The following POLR1A variants were observed in gnomAD, a reference collection of about 807,000 sequenced individuals.
The protein encoded by POLR1A is RNA polymerase I subunit A.
POLR1A carries 84 observed loss-of-function variants against 205.3 expected under a neutral mutation model. That is an observed-to-expected ratio of 0.41 (90% CI 0.34 to 0.49). The LOEUF is 0.49. Ranked by LOEUF, POLR1A falls within the 20% of genes least tolerant of loss-of-function variation. POLR1A has a pLI of 0.22. For missense variants in POLR1A, 1,645 were observed against 2,204.5 expected (o/e 0.75, Z 5.08); for synonymous variants, 799 against 863.7 (o/e 0.93, Z 1.31).
At chr2:86,060,610 T>C (rs1252327997) in intron 14 of POLR1A, among the ~76,000 whole-genome samples, 2 of 152,216 alleles carry the variant, frequency 1.3e-5, no homozygotes, top group Non-Finnish European at 2.9e-5. Flanking sequence ...TGATGTTGCA[T>C]TCACTGGCTA....
At chr2:86,064,611 G>C (rs1673054635) in intron 14 of POLR1A, among the ~76,000 whole-genome samples, 1 of 152,072 alleles carries the variant, frequency 6.6e-6, no homozygotes. Flanking sequence ...ATCAGATAAT[G>C]TGTCTAAAGC....
Position 86,105,674 on chromosome 2 carries a change from G to C in POLR1A, c.77+26C>G, listed in dbSNP as rs1673913818. The C allele has an allele frequency of 1.9e-6, 3 of 1,546,402 alleles. No homozygotes were observed. The African/African-American group carries it at 4.1e-5, about 21-fold the overall frequency. On this transcript the variant is annotated intron_variant, in intron 1 of 33. Transcript: ENST00000263857. Reference sequence around the variant, plus strand: ...GGCGCCGACCTCAAGATCCAGGCTGGGCACGCTACCCGACCAACTCCTTAC... The same window carrying C: ...GGCGCCGACCTCAAGATCCAGGCTGCGCACGCTACCCGACCAACTCCTTAC...
At chr2:86,044,598 A>G (rs977511413) in intron 21 of POLR1A, among the ~76,000 whole-genome samples, 1 of 152,080 alleles carries the variant, frequency 6.6e-6, no homozygotes, top group East Asian at 1.9e-4. Flanking sequence ...AGCTGCTGAG[A>G]TGACTGTCTG....
chr2:86,084,158 C>T (rs1005353073), intron 6 of POLR1A, among the ~76,000 whole-genome samples: 8 of 152,096 alleles, frequency 5.3e-5, no homozygotes, highest in African/African-American at 1.7e-4. Flanking sequence ...CCCACCTACT[C>T]GGGAGGCTGA....
chr2:86,028,564 C>A lies in POLR1A; in HGVS notation c.4897+30G>T. The A allele has an allele frequency of 2.0e-6, 3 of 1,534,566 alleles. No individual in the cohort carries two copies. The East Asian group carries it at 6.8e-5, about 35-fold the overall frequency. On this transcript the variant is annotated intron_variant, in intron 32 of 33. Transcript: ENST00000263857. The surrounding 1 kb of genome is among the most constrained non-coding windows in gnomAD (Gnocchi z 4.5). ...CTGGTGTCCTGGCTGGTGCCCAGAC[C>A]TCGGGGTGTTATCTGCAAGCTCCCC... is the stretch of plus-strand genomic sequence containing the variant.
rs1437606603 is a variant in POLR1A at position 86,039,332 on chromosome 2, C to T, written c.3871G>A (p.Gly1291Arg). The T allele has an allele frequency of 6.2e-7, 1 of 1,613,934 alleles. No homozygotes were observed. Among genetic ancestry groups the T allele is most frequent in the Admixed American group, 1.7e-5 (1 of 60,002 alleles). ...LKKQLTRVCL[G>R]EVLQKIDVQE... ...CTGGGAAGGAGAGACGTTACCTCCC[C>T]CAAGCACACCCTGGTGAGTTGCTTC... is the stretch of plus-strand genomic sequence containing the variant. Residue 1291 changes from glycine to arginine, a missense_variant, in exon 26 of 34, where the codon GGG becomes AGG. Transcript: ENST00000263857.
At position 86,023,146 on chromosome 2, in the gene POLR1A, G is replaced by A. The variant is rs1441270346; in HGVS notation, c.*4277C>T. ...AGTGGGGTGGAGGTTGATGGTGTAG[G>A]AACTTTGGAATTTTTGACTGTAGCT... On this transcript the variant is annotated 3_prime_UTR_variant, in exon 34 of 34. Coordinates refer to ENST00000263857, the MANE Select transcript of POLR1A (RefSeq NM_015425.6). 1.3e-5 allele frequency: 2 copies of A among 152,232 alleles called. No homozygotes were observed. The highest frequency in any genetic ancestry group is 2.9e-5 in the Non-Finnish European group (2 of 68,058). 9.4% of individuals were successfully genotyped at this position (152,232 alleles called of 1,614,324 possible). A position where few individuals can be genotyped will look rare whatever the true frequency, so the allele number is the denominator to read the frequency against.
rs941123818 is a variant in POLR1A, at chr2:86,072,961, C to T, written c.1611+2069G>A. ...GGAGCAGTGGCTCATGCCTGTAATC[C>T]CAGAACTTCGGGAGGCTGAGGAGGG... is the stretch of plus-strand genomic sequence containing the variant. On this transcript the variant is annotated intron_variant, in intron 12 of 33. Transcript: ENST00000263857. 2.6e-5 allele frequency among the ~76,000 whole-genome samples: 4 copies of T among 152,202 alleles called. No homozygotes were observed. In the South Asian group the frequency reaches 8.3e-4, roughly 32 times the overall value.
intron 27 of POLR1A, among the ~76,000 whole-genome samples, chr2:86,037,907 G>C (rs147719161): frequency 5.0e-4 from 76 of 152,350 alleles, no homozygotes; most frequent in Admixed American, 1.2e-3. Context: ...CCTTGAGACA[G>C]GTTCCACACT....
At position 86,070,700 on chromosome 2, in the gene POLR1A, C is replaced by T. The variant is rs901961733; in HGVS notation, c.1612-428G>A. On this transcript the variant is annotated intron_variant, in intron 12 of 33. Transcript: ENST00000263857. The surrounding 1 kb of genome is among the most constrained non-coding windows in gnomAD (Gnocchi z 4.4). ...GGCATTGGCAGACTTTCGAATCCCC[C>T]CCCCGCCGTGATCACATGTGAGTAC... Among the ~76,000 whole-genome samples, 1 of 108,104 alleles carries T rather than the reference C, an allele frequency of 9.3e-6. No individual in the cohort carries two copies. Among genetic ancestry groups the T allele is most frequent in the African/African-American group, 3.9e-5 (1 of 25,814 alleles). 70.9% of individuals were successfully genotyped at this position (108,104 alleles called of 152,430 possible).
chr2:86,048,916 C>T lies in POLR1A; in HGVS notation c.2602G>A (p.Glu868Lys), dbSNP rs1424633544. The part of the protein sequence containing the change: ...FNMIDLKFKE[E>K]VNHYSNEINK... ...ATCTCATTGCTGTAATGGTTCACTT[C>T]CTCCTTGAACTTCAGATCAATCATG... is the stretch of plus-strand genomic sequence containing the variant. The change falls in exon 18 of 34, where the codon GAA becomes AAA. Residue 868 changes from glutamate to lysine, a missense_variant. By Grantham distance (56) the Glu-to-Lys change is moderately conservative. Around this residue, in one of 16 missense-constraint regions of POLR1A, gnomAD observed 339 missense variants for 415.1 expected, o/e 0.82. Coordinates refer to ENST00000263857, the MANE Select transcript of POLR1A (RefSeq NM_015425.6). 2.5e-6 allele frequency: 4 copies of T among 1,614,188 alleles called. No homozygotes were observed. Among genetic ancestry groups the T allele is most frequent in the Admixed American group, 1.7e-5 (1 of 60,034 alleles).
chr2:86,024,653 G>GC lies in POLR1A; in HGVS notation c.*2769dup, dbSNP rs1690224940. On this transcript the variant is annotated 3_prime_UTR_variant, in exon 34 of 34. Transcript: ENST00000263857. ...CTCACACCACCCAGCACTTTGGGAG[G>GC]CCACAGTGGGAGGACCGCTTGAGCC... is the stretch of plus-strand genomic sequence containing the variant. The GC allele has an allele frequency of 6.6e-6, 1 of 152,214 alleles. No homozygotes were observed. The highest frequency in any genetic ancestry group is 2.4e-5 in the African/African-American group (1 of 41,448). The allele number at this position is 152,214 out of a possible 1,614,324, so 9.4% of individuals were successfully genotyped here.
chr2:86,095,601 T>C (rs1000823415), intron 3 of POLR1A, among the ~76,000 whole-genome samples: 2 of 152,132 alleles, frequency 1.3e-5, no homozygotes, highest in Non-Finnish European at 2.9e-5. Flanking sequence ...CTCTTTACAA[T>C]AGAGATCTGG....
intron 30 of POLR1A, among the ~76,000 whole-genome samples, chr2:86,030,926 T>A (rs1672374624): frequency 6.6e-6 from 1 of 152,216 alleles, no homozygotes; most frequent in Non-Finnish European, 1.5e-5. Flanking sequence ...GAACAGTGTC[T>A]CTACAACACG....
At position 86,081,711 on chromosome 2, in the gene POLR1A, G is replaced by A. The variant is rs750548423; in HGVS notation, c.818-5C>T. 14 of 1,570,082 alleles carry A rather than the reference G, an allele frequency of 8.9e-6. No homozygotes were observed. Among genetic ancestry groups the A allele is most frequent in the African/African-American group, 4.1e-5 (3 of 73,408 alleles). ...AAAGGTAGTTCAGAAAGAATCCTGC[G>A]TTGGAAAGAAATAAACCAAGAAGAC... On this transcript the variant is annotated splice_region_variant and splice_polypyrimidine_tract_variant and intron_variant, in intron 7 of 33. Coordinates refer to ENST00000263857, the MANE Select transcript of POLR1A (RefSeq NM_015425.6).
intron 31 of POLR1A, among the ~76,000 whole-genome samples, chr2:86,029,327 C>T (rs559469701): frequency 6.6e-6 from 1 of 151,890 alleles, no homozygotes. Flanking sequence ...GCTTTGCCAG[C>T]TTAGCATAGA....
At chr2:86,051,507 C>T (rs1377231168) in intron 16 of POLR1A, among the ~76,000 whole-genome samples, 1 of 152,228 alleles carries the variant, frequency 6.6e-6, no homozygotes, top group African/African-American at 2.4e-5. Context: ...GCTGAGACTC[C>T]CACTCTGTCT....
At chr2:86,030,053 T>A in intron 31 of POLR1A, 143 bp downstream of exon 31, 2 of 680,128 alleles carry the variant, frequency 2.9e-6, no homozygotes, top group Non-Finnish European at 5.1e-6. Context: ...ACACTTGGTT[T>A]GGGGAATGTG....
At chr2:86,031,297 C>T (rs1315523914) in intron 30 of POLR1A, 33 bp downstream of exon 30, 1 of 1,513,274 alleles carries the variant, frequency 6.6e-7, no homozygotes, top group African/African-American at 1.4e-5. Context: ...CTGGACCAAC[C>T]ACCCAAGCCC....
Sources: gnomAD v4.1 joint callset for allele counts (sites outside exome capture counted in the v4.1 genomes callset) on GRCh38, gnomAD v4.1.1 for gene constraint, gnomAD v4.1.1 regional missense constraint, Gnocchi (gnomAD v3.1) non-coding constraint, MANE v1.5 for transcripts, NCBI Gene and HGNC (gene_info 2026-07-23, HGNC 2026-07-21) for gene names.